SEMA3A: variants seen among roughly 807,000 people sequenced by gnomAD.
SEMA3A encodes the protein semaphorin-3A.
In SEMA3A, 29 loss-of-function variants were observed where a neutral mutation model predicts 97.9. That is an observed-to-expected ratio of 0.30 (90% CI 0.22 to 0.40). SEMA3A has a LOEUF of 0.40. SEMA3A is among the 10% of genes least tolerant of loss of function. SEMA3A has a pLI of 1.00. For synonymous variants in SEMA3A, 321 were observed against 323.7 expected (o/e 0.99, Z 0.09); for missense variants, 763 against 951.3 (o/e 0.80, Z 2.60).
intron 1 of SEMA3A, chr7:84,372,017 A>T (rs1802989443): frequency 6.6e-6 from 1 of 151,880 alleles, no homozygotes; most frequent in Admixed American, 6.6e-5. Flanking sequence ...TTGCCAGCAG[A>T]CTCTTCCATG....
intron 2 of SEMA3A, among the ~76,000 whole-genome samples, chr7:84,363,040 A>G (rs1189964932): frequency 6.6e-6 from 1 of 151,988 alleles, no homozygotes; most frequent in Admixed American, 6.6e-5. Context: ...CAGGAAATAG[A>G]TGATATGCCC....
chr7:84,484,011 T>A (rs1373788632), intron 1 of SEMA3A, among the ~76,000 whole-genome samples: 1 of 149,830 alleles, frequency 6.7e-6, no homozygotes, highest in Admixed American at 6.7e-5. Flanking sequence ...GCCACTGCAC[T>A]CCAGCTTGGG....
In SEMA3A at chr7:84,299,805, A is replaced by ATAAAAAACTTACAGCTGGGAGCAGT. The variant is rs71078822; in HGVS notation, c.-83+7401_-83+7402insACTGCTCCCAGCTGTAAGTTTTTTA. Reference sequence around the variant, plus strand: ...AACAAGCAAACAAATGAATAAGACTAGATCACCTGAGGTCAGGAGTTTGAG... The same window carrying ATAAAAAACTTACAGCTGGGAGCAGT: ...AACAAGCAAACAAATGAATAAGACTATAAAAAACTTACAGCTGGGAGCAGTGATCACCTGAGGTCAGGAGTTTGAG... On this transcript the variant is annotated intron_variant, in intron 3 of 3. Transcript: ENST00000424555. Among the ~76,000 whole-genome samples, 6 of 82,564 alleles carry ATAAAAAACTTACAGCTGGGAGCAGT rather than the reference A, an allele frequency of 7.3e-5. 3 individuals carry two copies. Among genetic ancestry groups the ATAAAAAACTTACAGCTGGGAGCAGT allele is most frequent in the Non-Finnish European group, 1.0e-4 (4 of 38,536 alleles). 54.2% of individuals were successfully genotyped at this position (82,564 alleles called of 152,430 possible).
intron 3 of SEMA3A, among the ~76,000 whole-genome samples, chr7:84,208,497 A>C (rs980870571): frequency 2.6e-5 from 4 of 152,198 alleles, no homozygotes; most frequent in African/African-American, 9.6e-5. Context: ...TGCCATCAAA[A>C]ATTTGCAATT....
chr7:84,175,191 G>A (rs1797524933), intron 1 of SEMA3A, among the ~76,000 whole-genome samples: 1 of 151,992 alleles, frequency 6.6e-6, no homozygotes, highest in African/African-American at 2.4e-5. Context: ...TTCCTTATCT[G>A]TAAAATGATA....
intron 3 of SEMA3A, among the ~76,000 whole-genome samples, chr7:84,126,401 T>A (rs1196942021): frequency 2.0e-5 from 3 of 152,036 alleles, no homozygotes; most frequent in Non-Finnish European, 4.4e-5. Flanking sequence ...AGATGGGGCT[T>A]CACCATGTTG....
chr7:84,420,822 G>A (rs966675724), intron 1 of SEMA3A, among the ~76,000 whole-genome samples: 4 of 152,006 alleles, frequency 2.6e-5, no homozygotes, highest in Non-Finnish European at 4.4e-5. Flanking sequence ...ATTTCTGTGG[G>A]ATCAGTGGTG....
chr7:84,113,963 C>A (rs1433711054), intron 3 of SEMA3A, among the ~76,000 whole-genome samples: 1 of 151,856 alleles, frequency 6.6e-6, no homozygotes, highest in Non-Finnish European at 1.5e-5. Context: ...AAGATATTAC[C>A]TGGAGAAATA....
chr7:84,353,869 A>G, intron 2 of SEMA3A, among the ~76,000 whole-genome samples: 1 of 151,632 alleles, frequency 6.6e-6, no homozygotes, highest in Admixed American at 6.6e-5. Flanking sequence ...TTTTTTGTCA[A>G]TTTTATCTTC....
chr7:84,205,680 G>A (rs1798475806), intron 3 of SEMA3A, among the ~76,000 whole-genome samples: 1 of 152,072 alleles, frequency 6.6e-6, no homozygotes, highest in African/African-American at 2.4e-5. Flanking sequence ...GTCAATCCAT[G>A]GCAAAATTCC....
intron 16 of SEMA3A, 41 bp from the exon 17 acceptor site, chr7:83,961,867 T>A: frequency 6.9e-7 from 1 of 1,445,362 alleles, no homozygotes; most frequent in Non-Finnish European, 9.5e-7. Flanking sequence ...TATACATATT[T>A]AAAAGAAATA....
intron 3 of SEMA3A, among the ~76,000 whole-genome samples, chr7:84,232,219 T>A (rs1799131743): frequency 6.7e-6 from 1 of 148,900 alleles, no homozygotes; most frequent in South Asian, 2.1e-4. Context: ...TGACAAAGCA[T>A]TTAATTCCAC....
chr7:84,217,887 G>A (rs1371747373), intron 3 of SEMA3A, among the ~76,000 whole-genome samples: 1 of 151,868 alleles, frequency 6.6e-6, no homozygotes, highest in Non-Finnish European at 1.5e-5. Flanking sequence ...AATCAGCTTG[G>A]GTGGGTAACA....
rs1181530901 is a variant in SEMA3A at position 83,965,666 on chromosome 7, A to ATT, written c.1718-2321_1718-2320dup. 3.1e-3 allele frequency among the ~76,000 whole-genome samples: 36 copies of ATT among 11,794 alleles called. 3 individuals are homozygous for ATT. The highest frequency in any genetic ancestry group is 4.3e-3 in the Non-Finnish European group (27 of 6,308). 7.7% of individuals were successfully genotyped at this position (11,794 alleles called of 152,430 possible). A position where few individuals can be genotyped will look rare whatever the true frequency, so the allele number is the denominator to read the frequency against. ...TATATATATATATATATATATATATATTTTTTTTTTTTTTTTTTTTTTTTT... is the reference window on the plus strand; with the variant it reads ...TATATATATATATATATATATATATATTTTTTTTTTTTTTTTTTTTTTTTTTT... On this transcript the variant is annotated intron_variant, in intron 15 of 16. Coordinates refer to ENST00000265362, the MANE Select transcript of SEMA3A (RefSeq NM_006080.3).
chr7:84,486,682 CCA>C (rs1269771331), intron 1 of SEMA3A, among the ~76,000 whole-genome samples: 3 of 152,048 alleles, frequency 2.0e-5, no homozygotes, highest in Non-Finnish European at 2.9e-5. Flanking sequence ...GACCTGAGCC[CCA>C]GTGTTTTTAC....
At chr7:84,173,250 C>T (rs1797448084) in intron 1 of SEMA3A, among the ~76,000 whole-genome samples, 1 of 151,896 alleles carries the variant, frequency 6.6e-6, no homozygotes, top group Non-Finnish European at 1.5e-5. Flanking sequence ...CTATTGAACC[C>T]TCTGAATTAT....
intron 1 of SEMA3A, among the ~76,000 whole-genome samples, chr7:84,172,716 G>A (rs1019286342): frequency 2.6e-5 from 4 of 152,056 alleles, no homozygotes; most frequent in African/African-American, 7.2e-5. Context: ...GTGGGCCACT[G>A]CACCCAGCCT....
At chr7:84,358,948 G>A (rs1802642415) in intron 2 of SEMA3A, among the ~76,000 whole-genome samples, 2 of 152,128 alleles carry the variant, frequency 1.3e-5, no homozygotes, top group African/African-American at 4.8e-5. Flanking sequence ...TGTTATTGGT[G>A]TATAAGAATG....
chr7:84,262,812 T>G (rs1387287908), intron 3 of SEMA3A, among the ~76,000 whole-genome samples: 1 of 152,198 alleles, frequency 6.6e-6, no homozygotes, highest in East Asian at 1.9e-4. Context: ...GTTCATAGTC[T>G]ATCAGTCTTA....
Sources: gnomAD v4.1 joint callset for allele counts (sites outside exome capture counted in the v4.1 genomes callset) on GRCh38, gnomAD v4.1.1 for gene constraint, MANE v1.5 for transcripts, NCBI Gene and HGNC (gene_info 2026-07-23, HGNC 2026-07-21) for gene names.